The following PTH2R variants were observed in gnomAD, a reference collection of about 807,000 sequenced individuals.
The protein encoded by PTH2R is PTH2 receptor.
A neutral mutation model predicts 60.3 loss-of-function variants in PTH2R; 59 were observed. The ratio of observed to expected loss-of-function variants is 0.98; its 90% CI spans 0.79 to 1.22. The LOEUF is 1.22. Ranked by LOEUF, PTH2R falls within the 50% of genes most tolerant of loss-of-function variation. PTH2R has a pLI of 0.00. For missense variants in PTH2R, 749 were observed against 682.6 expected, an observed-to-expected ratio of 1.10 and a Z score of -1.08; for synonymous variants, 256 against 243.8, an observed-to-expected ratio of 1.05 and a Z score of -0.47.
At chr2:208,449,127 C>T (rs1355094020) in intron 7 of PTH2R, among the ~76,000 whole-genome samples, 2 of 152,102 alleles carry the variant, frequency 1.3e-5, no homozygotes. Flanking sequence ...TTGAAGACAA[C>T]CAAGATAGAA....
intron 7 of PTH2R, among the ~76,000 whole-genome samples, chr2:208,447,233 A>G (rs184772028): frequency 3.9e-5 from 6 of 152,066 alleles, no homozygotes; most frequent in Admixed American, 6.5e-5. Context: ...CGGCCTCTCA[A>G]AGTGCTGGGA....
intron 1 of PTH2R, among the ~76,000 whole-genome samples, chr2:208,412,705 T>C (rs1341904976): frequency 8.5e-5 from 13 of 152,192 alleles, no homozygotes; most frequent in Admixed American, 8.5e-4. Flanking sequence ...GGGTCTCATT[T>C]TATCATGTCA....
Position 208,421,364 on chromosome 2 carries a change from G to GT in PTH2R, c.76-6837_76-6836insT, listed in dbSNP as rs1409245284. ...AGAAGCCAAGACATTTTCATATTGG[G>GT]GGTGTGTGTGTGTGTGTGTGTGTAG... On this transcript the variant is annotated intron_variant, in intron 1 of 12. Coordinates refer to ENST00000272847, the MANE Select transcript of PTH2R (RefSeq NM_005048.4). Among the ~76,000 whole-genome samples the GT allele has an allele frequency of 9.1e-3, 1,364 of 150,646 alleles. 18 individuals carry two copies. Among genetic ancestry groups the GT allele is most frequent in the African/African-American group, 0.031 (1,275 of 40,500 alleles).
At chr2:208,374,610 C>G (rs1700759586) in intron 1 of PTH2R, among the ~76,000 whole-genome samples, 1 of 152,080 alleles carries the variant, frequency 6.6e-6, no homozygotes, top group South Asian at 2.1e-4. Flanking sequence ...TCAAGCGATT[C>G]TCCTGCCTCA....
chr2:208,408,335 G>A (rs896432904), intron 1 of PTH2R, among the ~76,000 whole-genome samples: 2 of 152,126 alleles, frequency 1.3e-5, no homozygotes, highest in Non-Finnish European at 2.9e-5. Context: ...AAAATTTGGT[G>A]ATAAATTTCC....
rs1215954884 is a variant in PTH2R at position 208,490,665 on chromosome 2, C to A, written c.1242C>A (p.Cys414Ter). 6.2e-7 allele frequency: 1 copy of A among 1,609,908 alleles called. No homozygotes were observed. Among genetic ancestry groups the A allele is most frequent in the Non-Finnish European group, 8.5e-7 (1 of 1,178,978 alleles). ...FQGFFVSIIY[C>*]YCNGEVQAEV... ...GTTTCTTTGTGTCTATCATCTACTG[C>A]TACTGCAATGGAGAGGTAGGTTTGT... The change falls in exon 12 of 13, where the codon TGC (cysteine) becomes TGA (stop). Residue 414 changes from cysteine (C) to a stop codon, truncating the protein, a stop_gained. Coordinates refer to ENST00000272847, the MANE Select transcript of PTH2R (RefSeq NM_005048.4). LOFTEE classifies it low-confidence loss of function (END_TRUNC).
At chr2:208,379,751 T>C (rs539344404) in intron 1 of PTH2R, among the ~76,000 whole-genome samples, 8 of 151,756 alleles carry the variant, frequency 5.3e-5, no homozygotes, top group Non-Finnish European at 1.2e-4. Flanking sequence ...TCCCAGCTAC[T>C]TGGGAGGCTG....
chr2:208,493,428 C>G lies in PTH2R; in HGVS notation c.1422C>G (p.Ile474Met), dbSNP rs1313597278. The G allele has an allele frequency of 4.3e-6, 7 of 1,610,578 alleles. No homozygotes were observed. In the East Asian group the frequency reaches 1.6e-4, roughly 36 times the overall value. The stretch of plus-strand genomic sequence containing the variant: ...CGGCCAGCACACGCATGGTGCTTAT[C>G]TCTGGCAAAGCTGCCAAGATCGCCA... The part of the protein sequence containing the change: ...QVAASTRMVL[I>M]SGKAAKIASR... Residue 474 changes from isoleucine (I) to methionine (M), a missense_variant, in exon 13 of 13, where the codon ATC becomes ATG. Ile to Met is a conservative substitution (Grantham distance 10). Transcript: ENST00000272847.
chr2:208,388,858 A>G (rs1701055523), intron 1 of PTH2R, among the ~76,000 whole-genome samples: 1 of 152,192 alleles, frequency 6.6e-6, no homozygotes, highest in South Asian at 2.1e-4. Flanking sequence ...TTTAAAGGCT[A>G]TTTTTAGCTA....
At chr2:208,393,481 A>T (rs1701147113) in intron 1 of PTH2R, among the ~76,000 whole-genome samples, 1 of 152,126 alleles carries the variant, frequency 6.6e-6, no homozygotes, top group South Asian at 2.1e-4. Flanking sequence ...CTCCTGAGTT[A>T]TTGGGATTCC....
chr2:208,368,470 T>C (rs1338461347), intron 1 of PTH2R, among the ~76,000 whole-genome samples: 1 of 152,226 alleles, frequency 6.6e-6, no homozygotes, highest in Non-Finnish European at 1.5e-5. Flanking sequence ...TCTACATTGG[T>C]ATCCCTTTCA....
At chr2:208,367,506 C>T (rs779037204) in intron 1 of PTH2R, among the ~76,000 whole-genome samples, 12 of 150,126 alleles carry the variant, frequency 8.0e-5, no homozygotes, top group Admixed American at 2.0e-4. Context: ...CTGCAACCTC[C>T]GCCTCCCAGA....
At chr2:208,466,153 A>T (rs1702747610) in intron 9 of PTH2R, 1 of 152,262 alleles carries the variant, frequency 6.6e-6, no homozygotes, top group Non-Finnish European at 1.5e-5. Flanking sequence ...GGGGGAATCT[A>T]ACGCTCAGAA....
At chr2:208,365,390 T>C (rs945938200) in intron 1 of PTH2R, among the ~76,000 whole-genome samples, 7 of 152,220 alleles carry the variant, frequency 4.6e-5, no homozygotes, top group Admixed American at 1.3e-4. Flanking sequence ...TTTTTGTGTG[T>C]GAAAGGATAT....
At chr2:208,379,300 C>A (rs1700867821) in intron 1 of PTH2R, among the ~76,000 whole-genome samples, 1 of 152,116 alleles carries the variant, frequency 6.6e-6, no homozygotes, top group African/African-American at 2.4e-5. Flanking sequence ...ACAAAAGAGT[C>A]AGGGTAAATG....
rs998505220 is a variant in PTH2R at position 208,427,314 on chromosome 2, A to G, written c.76-887A>G. 2.0e-5 allele frequency among the ~76,000 whole-genome samples: 3 copies of G among 152,356 alleles called. No homozygotes were observed. The South Asian group carries it at 6.2e-4, about 32-fold the overall frequency. ...TGGGAAGGAGTCAATTTTTCCTGCC[A>G]TGCCCACTCAGAGACTCATGTATAT... On this transcript the variant is annotated intron_variant, in intron 1 of 12. Coordinates refer to ENST00000272847, the MANE Select transcript of PTH2R (RefSeq NM_005048.4).
At chr2:208,400,111 C>T (rs775290929) in intron 1 of PTH2R, among the ~76,000 whole-genome samples, 2 of 152,078 alleles carry the variant, frequency 1.3e-5, no homozygotes, top group Non-Finnish European at 2.9e-5. Flanking sequence ...GTTCTTTCAG[C>T]GATTTGACCT....
intron 1 of PTH2R, among the ~76,000 whole-genome samples, chr2:208,394,857 G>A (rs1450429018): frequency 6.6e-6 from 1 of 151,934 alleles, no homozygotes; most frequent in African/African-American, 2.4e-5. Flanking sequence ...CTATTATTAA[G>A]TACTTATTAA....
In PTH2R at chr2:208,442,528, C is replaced by T. The variant is rs766578877; in HGVS notation, c.509+67C>T. 6.3e-5 allele frequency: 77 copies of T among 1,214,588 alleles called. 1 individual carries two copies. The highest frequency in any genetic ancestry group is 2.2e-5 in the Non-Finnish European group (18 of 824,582). 75.2% of individuals were successfully genotyped at this position (1,214,588 alleles called of 1,614,324 possible). ...TCTTTCCTATCCAGAGAAGACATAG[C>T]GGTCTCACAATATTTTCCAAATGTT... On this transcript the variant is annotated intron_variant, in intron 5 of 12. Transcript: ENST00000272847.
Sources: gnomAD v4.1 joint callset for allele counts (sites outside exome capture counted in the v4.1 genomes callset) on GRCh38, gnomAD v4.1.1 for gene constraint, MANE v1.5 for transcripts, NCBI Gene and HGNC (gene_info 2026-07-23, HGNC 2026-07-21) for gene names.